The following MAPK7 variants were observed in gnomAD, a reference collection of about 807,000 sequenced individuals.
MAPK7 encodes mitogen-activated protein kinase 7.
In MAPK7, 30 loss-of-function variants were observed where a neutral mutation model predicts 56.9. The observed-to-expected ratio is 0.53, with a 90% confidence interval of 0.39 to 0.72. The LOEUF is 0.72. MAPK7 is among the 30% of genes least tolerant of loss of function. MAPK7 has a pLI of 0.00. For synonymous variants in MAPK7, 516 were observed against 449.3 expected (o/e 1.15, Z -1.88); for missense variants, 952 against 1,110.8 (o/e 0.86, Z 2.03).
Position 19,381,807 on chromosome 17 carries a change from C to T in MAPK7, c.1504C>T (p.Pro502Ser). The T allele has an allele frequency of 1.3e-6, 2 of 1,563,264 alleles. No homozygotes were observed. Among genetic ancestry groups the T allele is most frequent in the Non-Finnish European group, 1.7e-6 (2 of 1,156,928 alleles). ...RDGPSAPLEA[P>S]EPRKPVTAQE... ...TGGCCCCAGCGCACCCCTGGAGGCT[C>T]CTGAGCCTCGGAAGCCGGTGACAGC... Residue 502 changes from proline (P) to serine (S), a missense_variant, in exon 5 of 7, where the codon CCT becomes TCT. Physicochemically the swap from Pro to Ser is moderately conservative, Grantham distance 74. Around this residue, in one of 5 missense-constraint regions of MAPK7, gnomAD observed 429 missense variants for 533.0 expected, o/e 0.80. Transcript: ENST00000395604. The surrounding 1 kb of genome is among the most constrained non-coding windows in gnomAD (Gnocchi z 4.6).
chr17:19,380,586 C>G (rs1295789142), intron 3 of MAPK7, 22 bp from the exon 4 acceptor site: 1 of 1,571,784 alleles, frequency 6.4e-7, no homozygotes, highest in Non-Finnish European at 8.7e-7. Flanking sequence ...ACCCATGCTT[C>G]TCTCCTTCCT....
chr17:19,382,989 G>A (rs1912853448), intron 6 of MAPK7, 43 bp downstream of exon 6: 2 of 1,613,482 alleles, frequency 1.2e-6, no homozygotes, highest in Non-Finnish European at 1.7e-6. Context: ...ACTGTGGGGA[G>A]AGGTTCCTGG....
upstream of MAPK7, chr17:19,377,987 T>A (rs540274808): frequency 3.6e-5 from 35 of 985,314 alleles, no homozygotes; most frequent in African/African-American, 5.9e-4. Context: ...TCTCTGTGGT[T>A]GGCCGTGACG....
chr17:19,381,574 A>G lies in MAPK7; in HGVS notation c.1365A>G (p.Pro455=), dbSNP rs1373523278. 3 of 1,613,540 alleles carry G rather than the reference A, an allele frequency of 1.9e-6. No homozygotes were observed. The highest frequency in any genetic ancestry group is 1.7e-5 in the Admixed American group (1 of 59,972). The change falls in exon 4 of 7, where the codon CCA becomes CCG. Residue 455 remains proline (P), a synonymous_variant. Coordinates refer to ENST00000395604, the MANE Select transcript of MAPK7 (RefSeq NM_002749.4). The surrounding 1 kb of genome is among the most constrained non-coding windows in gnomAD (Gnocchi z 4.6). ...ACACCATTGATCTGACCCTGCAGCCACCTCCACCAGTCAGTGAGCCTGCCC... is the reference window on the plus strand; with the variant it reads ...ACACCATTGATCTGACCCTGCAGCCGCCTCCACCAGTCAGTGAGCCTGCCC... ...APDTIDLTLQ[P]PPPVSEPAPP...
intron 3 of MAPK7, 43 bp from the exon 4 acceptor site, chr17:19,380,565 T>C: frequency 1.3e-6 from 2 of 1,550,934 alleles, no homozygotes; most frequent in Non-Finnish European, 8.7e-7. Flanking sequence ...CCCTGGAGTG[T>C]GATCAGGCCA....
intron 5 of MAPK7, 66 bp downstream of exon 5, chr17:19,382,532 C>T (rs1439881997): frequency 4.0e-5 from 61 of 1,515,718 alleles, no homozygotes; most frequent in Non-Finnish European, 4.7e-5. Flanking sequence ...GTTCAGGAAG[C>T]GGTCAGTGTT....
In MAPK7 at chr17:19,379,921, C is replaced by A. The variant is rs375651526; in HGVS notation, c.372C>A (p.Thr124=). 6.2e-7 allele frequency: 1 copy of A among 1,614,168 alleles called. No individual in the cohort carries two copies. Among genetic ancestry groups the A allele is most frequent in the Admixed American group, 1.7e-5 (1 of 60,014 alleles). ...IIAIKDILRP[T]VPYGEFKSVY... is the part of the protein sequence containing the mutation. ...CCATCAAGGACATCCTGAGGCCCAC[C>A]GTGCCCTATGGCGAATTCAAATCTG... The change falls in exon 3 of 7, where the codon ACC becomes ACA. Residue 124 remains threonine (T), a synonymous_variant. Transcript: ENST00000395604.
intron 2 of MAPK7, 67 bp downstream of exon 2, chr17:19,379,199 C>A: frequency 7.0e-7 from 1 of 1,420,104 alleles, no homozygotes; most frequent in Non-Finnish European, 9.7e-7. Flanking sequence ...CCGGCCTGTC[C>A]CAGACAGCCG....
At chr17:19,380,052 C>A in intron 3 of MAPK7, 105 bp downstream of exon 3, 1 of 1,342,892 alleles carries the variant, frequency 7.4e-7, no homozygotes, top group Non-Finnish European at 1.0e-6. Context: ...CTGAAGCAGG[C>A]TGGGAAAATT....
rs1449093912 is a variant in MAPK7, at chr17:19,382,406, G to C, written c.2103G>C (p.Gln701His). 6.2e-7 allele frequency: 1 copy of C among 1,612,450 alleles called. No homozygotes were observed. The highest frequency in any genetic ancestry group is 8.5e-7 in the Non-Finnish European group (1 of 1,179,382). Residue 701 changes from glutamine to histidine, a missense_variant, in exon 5 of 7, where the codon CAG (glutamine) becomes CAC (histidine). Transcript: ENST00000395604. Reference sequence around the variant, plus strand: ...CCCCAGACGCCGGGGGAGCCCCTCAGTCTTCCATGTCAGAGTCACCTGATG... The same window carrying C: ...CCCCAGACGCCGGGGGAGCCCCTCACTCTTCCATGTCAGAGTCACCTGATG... ...LPPPDAGGAP[Q>H]SSMSESPDVN...
rs140853138 is a variant in MAPK7, at chr17:19,381,194, C to T, written c.985C>T (p.Arg329Cys). ...CCTATCACTGCTGGGTCGCATGCTG[C>T]GTTTTGAGCCCAGCGCTCGCATCTC... ...QALSLLGRML[R>C]FEPSARISAA... Residue 329 changes from arginine (R) to cysteine (C), a missense_variant, in exon 4 of 7, where the codon CGT becomes TGT. Arg to Cys is a radical substitution (Grantham distance 180, BLOSUM62 -3). Coordinates refer to ENST00000395604, the MANE Select transcript of MAPK7 (RefSeq NM_002749.4). The surrounding 1 kb of genome is among the most constrained non-coding windows in gnomAD (Gnocchi z 4.6). 186 of 1,614,016 alleles carry T rather than the reference C, an allele frequency of 1.2e-4. No individual in the cohort carries two copies. Among genetic ancestry groups the T allele is most frequent in the African/African-American group, 1.6e-4 (12 of 74,944 alleles).
Position 19,381,455 on chromosome 17 carries a change from G to T in MAPK7, c.1246G>T (p.Asp416Tyr). 1 of 1,614,154 alleles carries T rather than the reference G, an allele frequency of 6.2e-7. No homozygotes were observed. The highest frequency in any genetic ancestry group is 2.2e-5 in the East Asian group (1 of 44,890). The change falls in exon 4 of 7, where the codon GAT becomes TAT. Residue 416 changes from aspartate to tyrosine, a missense_variant. By Grantham distance (160) the Asp-to-Tyr change is radical. Around this residue, in one of 5 missense-constraint regions of MAPK7, gnomAD observed 429 missense variants for 533.0 expected, o/e 0.80. Transcript: ENST00000395604. This position sits in a 1 kb window ranked among gnomAD's most constrained non-coding sequence, Gnocchi z 4.6. ...QPVASEPGCP[D>Y]VEMPSPWAPS... is the part of the protein sequence containing the mutation. ...TGTGGCTAGTGAGCCTGGCTGTCCA[G>T]ATGTTGAAATGCCCAGTCCCTGGGC...
intron 2 of MAPK7, chr17:19,379,403 A>G (rs1386862763): frequency 7.0e-6 from 4 of 572,558 alleles, no homozygotes; most frequent in Non-Finnish European, 1.2e-5. Context: ...CTTCGTGTCT[A>G]AGAGAGAAAT....
At chr17:19,382,730 C>A (rs1452142673) in intron 5 of MAPK7, 83 bp from the exon 6 acceptor site, 7 of 1,542,238 alleles carry the variant, frequency 4.5e-6, no homozygotes, top group Non-Finnish European at 6.2e-6. Context: ...TCCCAGATAT[C>A]CAGGCGGAGT....
In MAPK7 at chr17:19,380,647, G is replaced by T. The variant is rs1318867684; in HGVS notation, c.438G>T (p.Gln146His). The change falls in exon 4 of 7, where the codon CAG becomes CAT. Residue 146 changes from glutamine (Q) to histidine (H), a missense_variant. Physicochemically the swap from Gln to His is conservative, Grantham distance 24 (BLOSUM62 0). Around this residue, in one of 5 missense-constraint regions of MAPK7, gnomAD observed 213 missense variants for 243.2 expected, o/e 0.88. Coordinates refer to ENST00000395604, the MANE Select transcript of MAPK7 (RefSeq NM_002749.4). ...ACCTGATGGAAAGCGACCTGCACCA[G>T]ATCATCCACTCCTCACAGCCCCTCA... ...VLDLMESDLH[Q>H]IIHSSQPLTL... The T allele has an allele frequency of 6.2e-7, 1 of 1,611,152 alleles. No homozygotes were observed. Among genetic ancestry groups the T allele is most frequent in the Admixed American group, 1.7e-5 (1 of 59,956 alleles).
Position 19,381,418 on chromosome 17 carries a change from T to G in MAPK7, c.1209T>G (p.Pro403=), listed in dbSNP as rs1383265397. Residue 403 remains proline (P), a synonymous_variant, in exon 4 of 7, where the codon CCT becomes CCG. Transcript: ENST00000395604. This position sits in a 1 kb window ranked among gnomAD's most constrained non-coding sequence, Gnocchi z 4.6. ...TCCGCCAACAGATCCGCTTCCAGCC[T>G]TCTCTACAGCCTGTGGCTAGTGAGC... The part of the protein sequence containing the change: ...EGIRQQIRFQ[P]SLQPVASEPG... 1 of 1,614,212 alleles carries G rather than the reference T, an allele frequency of 6.2e-7. No homozygotes were observed. The highest frequency in any genetic ancestry group is 1.3e-5 in the African/African-American group (1 of 75,072).
Position 19,380,885 on chromosome 17 carries a change from T to C in MAPK7, c.676T>C (p.Trp226Arg). The part of the protein sequence containing the change: ...YFMTEYVATR[W>R]YRAPELMLSL... The stretch of plus-strand genomic sequence containing the variant: ...CATGACTGAGTATGTGGCCACGCGC[T>C]GGTACCGTGCGCCCGAGCTCATGCT... The change falls in exon 4 of 7, where the codon TGG (tryptophan) becomes CGG (arginine). Residue 226 changes from tryptophan to arginine, a missense_variant. By Grantham distance (101) the Trp-to-Arg change is moderately radical (BLOSUM62 -3). Transcript: ENST00000395604. 6.2e-7 allele frequency: 1 copy of C among 1,614,158 alleles called. No homozygotes were observed. Among genetic ancestry groups the C allele is most frequent in the African/African-American group, 1.3e-5 (1 of 75,062 alleles).
chr17:19,382,974 C>T (rs777335345), intron 6 of MAPK7, 28 bp downstream of exon 6: 3 of 1,613,704 alleles, frequency 1.9e-6, no homozygotes, highest in African/African-American at 2.7e-5. Context: ...AGCTCCTAGA[C>T]TGGGACTGTG....
At chr17:19,379,241 A>G in intron 2 of MAPK7, 109 bp downstream of exon 2, 1 of 963,086 alleles carries the variant, frequency 1.0e-6, no homozygotes, top group South Asian at 1.5e-5. Context: ...TTCTGGCTCC[A>G]GTCAACACAC....
Sources: allele counts gnomAD v4.1 joint callset, GRCh38; gene constraint gnomAD v4.1.1; regional missense constraint gnomAD v4.1.1; non-coding constraint Gnocchi (gnomAD v3.1); transcripts MANE v1.5; gene names NCBI Gene and HGNC (gene_info 2026-07-23, HGNC 2026-07-21).